Variants in RHOBTB1 observed in about 807,000 individuals in gnomAD.
The protein encoded by RHOBTB1 is rho-related BTB domain-containing protein 1.
RHOBTB1 carries 40 observed loss-of-function variants against 71.6 expected under a neutral mutation model. The ratio of observed to expected loss-of-function variants is 0.56; its 90% CI spans 0.43 to 0.73. The LOEUF (loss-of-function observed/expected upper bound fraction) is 0.73. Ranked by LOEUF, RHOBTB1 falls within the 30% of genes least tolerant of loss-of-function variation. The pLI, the probability that RHOBTB1 is intolerant of heterozygous loss-of-function variation, is 0.00. For synonymous variants in RHOBTB1, 319 were observed against 334.9 expected, an observed-to-expected ratio of 0.95 and a Z score of 0.52; for missense variants, 797 against 894.0, an observed-to-expected ratio of 0.89 and a Z score of 1.38.
At chr10:60,962,145 T>C (rs1473673023) in intron 2 of RHOBTB1, among the ~76,000 whole-genome samples, 1 of 152,044 alleles carries the variant, frequency 6.6e-6, no homozygotes, top group East Asian at 1.9e-4. Flanking sequence ...TGAGATCCAA[T>C]GATAGGATCG....
chr10:60,900,185 A>C (rs1291471063), intron 4 of RHOBTB1, among the ~76,000 whole-genome samples: 4 of 152,138 alleles, frequency 2.6e-5, no homozygotes, highest in African/African-American at 9.7e-5. Flanking sequence ...AATGGACTAA[A>C]TTGGTGGCAA....
chr10:60,917,189 C>G (rs1447739567), intron 2 of RHOBTB1, among the ~76,000 whole-genome samples: 2 of 152,222 alleles, frequency 1.3e-5, no homozygotes, highest in African/African-American at 4.8e-5. Context: ...TTTAGCCACA[C>G]AAAATGGCTT....
At chr10:60,982,233 AGG>A (rs1203822204) in intron 2 of RHOBTB1, among the ~76,000 whole-genome samples, 8 of 152,164 alleles carry the variant, frequency 5.3e-5, no homozygotes, top group Non-Finnish European at 1.2e-4. Context: ...CTACTCCTAA[AGG>A]CACCTATATA....
intron 2 of RHOBTB1, among the ~76,000 whole-genome samples, chr10:60,912,184 TAA>T (rs753935242): frequency 0.016 from 2,432 of 152,124 alleles, 29 homozygotes; most frequent in South Asian, 0.036. Flanking sequence ...TCATAATTCA[TAA>T]ATATATATGT....
intron 2 of RHOBTB1, among the ~76,000 whole-genome samples, chr10:60,935,975 T>A (rs1212318977): frequency 6.6e-6 from 1 of 152,204 alleles, no homozygotes; most frequent in Non-Finnish European, 1.5e-5. Context: ...CTTGCTTTAT[T>A]GTTCTAGATC....
chr10:60,992,606 G>A (rs1239219363), intron 1 of RHOBTB1, among the ~76,000 whole-genome samples: 1 of 152,116 alleles, frequency 6.6e-6, no homozygotes, highest in African/African-American at 2.4e-5. Context: ...ACTGTATCAG[G>A]ATCTCAATAA....
chr10:60,972,506 A>G (rs887386027), intron 2 of RHOBTB1, among the ~76,000 whole-genome samples: 2 of 152,088 alleles, frequency 1.3e-5, no homozygotes, highest in South Asian at 2.1e-4. Flanking sequence ...GGACACAGGA[A>G]GGGGAACATC....
the RHOBTB1 span, among the ~76,000 whole-genome samples, chr10:60,862,563 T>TTTCTTTTTTCTTTCTTTCCTTTC: frequency 6.6e-6 from 1 of 151,880 alleles, no homozygotes; most frequent in African/African-American, 2.4e-5. Flanking sequence ...TCCTTTCTTC[T>TTTCTTTTTTCTTTCTTTCCTTTC]TTCTTTCTTT....
chr10:60,993,609 C>T (rs1363401996), intron 1 of RHOBTB1, among the ~76,000 whole-genome samples: 1 of 152,018 alleles, frequency 6.6e-6, no homozygotes, highest in Non-Finnish European at 1.5e-5. Context: ...TCTCTCATGG[C>T]CCTATCTTAT....
chr10:60,992,302 T>C (rs2086896461), intron 1 of RHOBTB1, among the ~76,000 whole-genome samples: 1 of 152,150 alleles, frequency 6.6e-6, no homozygotes, highest in South Asian at 2.1e-4. Flanking sequence ...ATGTAACTGG[T>C]TTTATGATAT....
chr10:60,957,467 CATT>C (rs1157055342), intron 2 of RHOBTB1, among the ~76,000 whole-genome samples: 2 of 152,112 alleles, frequency 1.3e-5, no homozygotes, highest in African/African-American at 4.8e-5. Flanking sequence ...ACTGAAATGT[CATT>C]ATATGGTGCA....
intron 4 of RHOBTB1, among the ~76,000 whole-genome samples, chr10:60,898,575 G>T (rs2082267261): frequency 6.6e-6 from 1 of 152,174 alleles, no homozygotes; most frequent in African/African-American, 2.4e-5. Context: ...GGAGGATGGA[G>T]AGGCCTGTAG....
At chr10:60,986,862 C>A (rs1334335297) in intron 1 of RHOBTB1, among the ~76,000 whole-genome samples, 1 of 152,140 alleles carries the variant, frequency 6.6e-6, no homozygotes, top group Non-Finnish European at 1.5e-5. Context: ...AATCATCCAG[C>A]TCTCCTCCCT....
intron 2 of RHOBTB1, among the ~76,000 whole-genome samples, chr10:60,921,791 A>C (rs186485455): frequency 1.4e-3 from 217 of 152,348 alleles, no homozygotes; most frequent in African/African-American, 4.9e-3. Context: ...GCGTGTGGCT[A>C]AGCCTGCAGT....
downstream of RHOBTB1, among the ~76,000 whole-genome samples, chr10:60,868,914 T>C (rs944061998): frequency 2.6e-5 from 4 of 152,188 alleles, no homozygotes; most frequent in Non-Finnish European, 5.9e-5. Context: ...TCCCATACAG[T>C]TATGGGTAGC....
chr10:60,982,293 A>C (rs1200672262), intron 2 of RHOBTB1, among the ~76,000 whole-genome samples: 1 of 152,164 alleles, frequency 6.6e-6, no homozygotes, highest in East Asian at 1.9e-4. Flanking sequence ...GACTAACTGT[A>C]CTGGGATGGG....
At chr10:60,889,898 C>T (rs1390525254) in intron 5 of RHOBTB1, among the ~76,000 whole-genome samples, 1 of 152,190 alleles carries the variant, frequency 6.6e-6, no homozygotes, top group East Asian at 1.9e-4. Flanking sequence ...CTGTTATCAT[C>T]ATTATCACTA....
chr10:60,980,248 A>G (rs1243819478), intron 2 of RHOBTB1, among the ~76,000 whole-genome samples: 1 of 152,242 alleles, frequency 6.6e-6, no homozygotes, highest in African/African-American at 2.4e-5. Context: ...ATGCAAACAT[A>G]TTAGAGTTGT....
intron 1 of RHOBTB1, among the ~76,000 whole-genome samples, chr10:60,986,404 G>GATATATCTATATAT (rs1318532187): frequency 3.0e-5 from 2 of 67,636 alleles, no homozygotes; most frequent in African/African-American, 8.0e-5. Flanking sequence ...ATAAATAAAA[G>GATATATCTATATAT]ATATATATAT....
Sources: allele counts gnomAD v4.1 joint callset (sites outside exome capture counted in the v4.1 genomes callset), GRCh38; gene constraint gnomAD v4.1.1; transcripts MANE v1.5; gene names NCBI Gene and HGNC (gene_info 2026-07-23, HGNC 2026-07-21).